The following FGF13 variants were observed in gnomAD, a reference collection of about 807,000 sequenced individuals.
FGF13 encodes the protein fibroblast growth factor homologous factor 2.
A neutral mutation model predicts 19.5 loss-of-function variants in FGF13; 2 were observed. The ratio of observed to expected loss-of-function variants is 0.10; its 90% confidence interval spans 0.04 to 0.32. The LOEUF is 0.32. Among genes scored for constraint, FGF13 ranks in the 10% least tolerant of loss-of-function variants. The pLI is 1.00. For missense variants in FGF13, 113 were observed against 192.7 expected, an observed-to-expected ratio of 0.59 and a Z score of 2.45; for synonymous variants, 72 against 76.9, an observed-to-expected ratio of 0.94 and a Z score of 0.33.
chrX:139,016,464 G>T (rs2092153529), intron 1 of FGF13, among the ~76,000 whole-genome samples: 1 of 111,391 alleles, frequency 9.0e-6, no homozygotes, highest in South Asian at 3.8e-4. Context: ...GGCAATCCAA[G>T]ATTTTCTAAG....
At chrX:138,865,681 G>T (rs1231603317) in intron 1 of FGF13, among the ~76,000 whole-genome samples, 1 of 111,214 alleles carries the variant, frequency 9.0e-6, no homozygotes, top group Non-Finnish European at 1.9e-5. Context: ...ACCCACCAAG[G>T]TGGTCTGCTC....
In FGF13 at chrX:138,757,521, T is replaced by C. The variant is rs965074577; in HGVS notation, c.218-48593A>G. 3.7e-5 allele frequency among the ~76,000 whole-genome samples: 4 copies of C among 109,567 alleles called. No individual in the cohort carries two copies. The Admixed American group carries it at 3.8e-4, about 11-fold the overall frequency. Reference sequence around the variant, plus strand: ...AAGGCCTGAAGGAAGAGCTAGCTGCTCTGTGAATTTTTTTTCTCTGTGAAT... The same window carrying C: ...AAGGCCTGAAGGAAGAGCTAGCTGCCCTGTGAATTTTTTTTCTCTGTGAAT... On this transcript the variant is annotated intron_variant, in intron 3 of 6. Coordinates refer to the FGF13 transcript ENST00000436198.
At chrX:138,654,266 A>G (rs777885379) in intron 3 of FGF13, among the ~76,000 whole-genome samples, 1 of 112,550 alleles carries the variant, frequency 8.9e-6, no homozygotes, top group African/African-American at 3.2e-5. Flanking sequence ...TAAATTGAGG[A>G]ATGAATGGCA....
intron 1 of FGF13, among the ~76,000 whole-genome samples, chrX:138,948,179 C>G (rs1225008783): frequency 1.8e-5 from 2 of 111,664 alleles, no homozygotes; most frequent in Admixed American, 9.5e-5. Flanking sequence ...ACTACCTTCC[C>G]CACGTTATCC....
chrX:138,996,069 T>C (rs1012796235), intron 1 of FGF13, among the ~76,000 whole-genome samples: 1 of 111,709 alleles, frequency 9.0e-6, no homozygotes, highest in Non-Finnish European at 1.9e-5. Context: ...TCTGGCAAGA[T>C]GGCCAAATAG....
chrX:138,737,653 C>T, intron 1 of FGF13, among the ~76,000 whole-genome samples: 1 of 112,212 alleles, frequency 8.9e-6, no homozygotes, highest in Middle Eastern at 4.6e-3. Flanking sequence ...CATAGACTCA[C>T]ATGTCAATAA....
intron 1 of FGF13, among the ~76,000 whole-genome samples, chrX:138,957,109 A>G (rs2091844994): frequency 8.9e-6 from 1 of 111,796 alleles, no homozygotes; most frequent in Non-Finnish European, 1.9e-5. Context: ...CGAGAGAAAG[A>G]TCAGCCCACA....
chrX:138,711,208 G>T lies in FGF13; in HGVS notation c.-205C>A. ...TCCGAGCTCCTCCGGCGGCGGTCCGGCTCCCGCGCGGGCTGCTGGCTGCCT... is the reference window on the plus strand; with the variant it reads ...TCCGAGCTCCTCCGGCGGCGGTCCGTCTCCCGCGCGGGCTGCTGGCTGCCT... On this transcript the variant is annotated 5_prime_UTR_variant, in exon 1 of 5. Transcript: ENST00000315930. 9.4e-7 allele frequency: 1 copy of T among 1,059,973 alleles called. No individual in the cohort carries two copies. The highest frequency in any genetic ancestry group is 1.2e-6 in the Non-Finnish European group (1 of 827,093). 87.4% of individuals were successfully genotyped at this position (1,059,973 alleles called of 1,213,427 possible).
chrX:138,653,384 T>G (rs958847612), intron 3 of FGF13, among the ~76,000 whole-genome samples: 2 of 111,179 alleles, frequency 1.8e-5, no homozygotes, highest in African/African-American at 3.3e-5. Context: ...GGAAGCATAG[T>G]GAAGGAGAAA....
Position 138,778,070 on chromosome X carries a change from C to G in FGF13, c.218-69142G>C, listed in dbSNP as rs185093276. ...AGGAGCCAAGATGGCCGAATAGGAA[C>G]AGCTCCGGTCTACAGCTCCCAGCCT... On this transcript the variant is annotated intron_variant, in intron 3 of 6. Transcript: ENST00000436198. 1.2e-4 allele frequency among the ~76,000 whole-genome samples: 13 copies of G among 111,880 alleles called. No homozygotes were observed. The East Asian group carries it at 3.1e-3, about 27-fold the overall frequency.
At chrX:138,689,376 T>C in intron 3 of FGF13, among the ~76,000 whole-genome samples, 1 of 96,373 alleles carries the variant, frequency 1.0e-5, no homozygotes, top group Non-Finnish European at 2.1e-5. Context: ...ACTTTCTCCA[T>C]GGGTCTACAC....
At chrX:138,903,336 G>A (rs2091541676) in intron 1 of FGF13, among the ~76,000 whole-genome samples, 1 of 111,609 alleles carries the variant, frequency 9.0e-6, no homozygotes, top group South Asian at 3.8e-4. Flanking sequence ...CTGTTTAACA[G>A]GGCATAACCC....
chrX:139,079,305 G>A (rs2083354156), intron 1 of FGF13, among the ~76,000 whole-genome samples: 1 of 111,297 alleles, frequency 9.0e-6, no homozygotes, highest in African/African-American at 3.3e-5. Flanking sequence ...CTCAGACAAA[G>A]GTGAGAGCTT....
chrX:139,060,158 A>T (rs2092332176), intron 1 of FGF13, among the ~76,000 whole-genome samples: 1 of 111,720 alleles, frequency 9.0e-6, no homozygotes, highest in Admixed American at 9.5e-5. Flanking sequence ...TCTGTGGAGA[A>T]TTAATTCCTT....
intron 3 of FGF13, among the ~76,000 whole-genome samples, chrX:138,664,687 A>C (rs935817524): frequency 9.0e-6 from 1 of 111,348 alleles, no homozygotes; most frequent in Non-Finnish European, 1.9e-5. Flanking sequence ...GGTTTCCCAC[A>C]TAAGGCTGAG....
intron 3 of FGF13, among the ~76,000 whole-genome samples, chrX:138,674,954 TAATC>T (rs779320084): frequency 2.7e-5 from 3 of 111,593 alleles, no homozygotes; most frequent in Non-Finnish European, 5.7e-5. Flanking sequence ...GAGAGAATGA[TAATC>T]AAACACAGGA....
chrX:139,174,016 C>T (rs953268267), intron 1 of FGF13, among the ~76,000 whole-genome samples: 1 of 112,100 alleles, frequency 8.9e-6, no homozygotes, highest in Non-Finnish European at 1.9e-5. Context: ...ACAGTCCCAC[C>T]AACAGTGTAA....
At chrX:139,138,722 C>A (rs1042640374) in intron 1 of FGF13, among the ~76,000 whole-genome samples, 31 of 111,261 alleles carry the variant, frequency 2.8e-4, no homozygotes, top group African/African-American at 1.0e-3. Context: ...GGAAGGATTT[C>A]CAGTTTACAA....
At chrX:138,889,404 A>G (rs937133135) in intron 1 of FGF13, among the ~76,000 whole-genome samples, 41 of 112,450 alleles carry the variant, frequency 3.6e-4, no homozygotes, top group African/African-American at 1.3e-3. Context: ...TGTACTAAAA[A>G]GACCTCCCAG....
Sources: gnomAD v4.1 joint callset for allele counts (sites outside exome capture counted in the v4.1 genomes callset) on GRCh38, gnomAD v4.1.1 for gene constraint, MANE v1.5 for transcripts, NCBI Gene and HGNC (gene_info 2026-07-23, HGNC 2026-07-21) for gene names.